HCN4: variants seen among roughly 807,000 people sequenced by gnomAD.
HCN4 encodes the protein potassium/sodium hyperpolarization-activated cyclic nucleotide-gated channel 4.
In HCN4, 29 loss-of-function variants were observed where a neutral mutation model predicts 76.9. That is an observed-to-expected ratio of 0.38 (90% CI 0.28 to 0.51). The LOEUF (loss-of-function observed/expected upper bound fraction) is 0.51, where lower values mean the gene tolerates loss of function less well. Ranked by LOEUF, HCN4 falls within the 20% of genes least tolerant of loss-of-function variation. The pLI, the probability that HCN4 is intolerant of heterozygous loss-of-function variation, is 0.90. For missense variants in HCN4, 1,416 were observed against 1,715.2 expected, an observed-to-expected ratio of 0.83 and a Z score of 3.08; for synonymous variants, 772 against 762.5, an observed-to-expected ratio of 1.01 and a Z score of -0.21.
chr15:73,348,505 T>G (rs143445372), intron 1 of HCN4, among the ~76,000 whole-genome samples: 1 of 152,244 alleles, frequency 6.6e-6, no homozygotes, highest in Non-Finnish European at 1.5e-5. Context: ...TTTTTACACA[T>G]GCATACTTTC....
chr15:73,353,043 TGGATGGAC>T (rs904640658), intron 1 of HCN4, among the ~76,000 whole-genome samples: 6 of 151,832 alleles, frequency 4.0e-5, no homozygotes, highest in African/African-American at 1.5e-4. Flanking sequence ...GATGGATGGA[TGGATGGAC>T]GGACGGACGG....
intron 2 of HCN4, among the ~76,000 whole-genome samples, chr15:73,337,407 G>A (rs977645311): frequency 6.6e-5 from 10 of 152,204 alleles, no homozygotes; most frequent in Middle Eastern, 3.2e-3. Context: ...GGTACCATAT[G>A]GGAGCTCAAG....
chr15:73,339,424 C>T (rs2042985847), intron 2 of HCN4, among the ~76,000 whole-genome samples: 1 of 152,202 alleles, frequency 6.6e-6, no homozygotes, highest in Non-Finnish European at 1.5e-5. Context: ...TAGCTTCTTG[C>T]AGTGCCAGGC....
intron 1 of HCN4, among the ~76,000 whole-genome samples, chr15:73,353,380 T>C (rs1366185987): frequency 2.0e-5 from 3 of 152,302 alleles, no homozygotes; most frequent in Non-Finnish European, 4.4e-5. Flanking sequence ...GTCATTGCCG[T>C]GCCCGGGAGG....
Position 73,350,301 on chromosome 15 carries a change from C to A in HCN4, c.786-6493G>T, listed in dbSNP as rs552612416. Among the ~76,000 whole-genome samples, 3 of 152,278 alleles carry A rather than the reference C, an allele frequency of 2.0e-5. No individual in the cohort carries two copies. The East Asian group carries it at 5.8e-4, about 29-fold the overall frequency. On this transcript the variant is annotated intron_variant, in intron 1 of 7. Coordinates refer to ENST00000261917, the MANE Select transcript of HCN4 (RefSeq NM_005477.3). ...CTCCTCCTGGCACCGTCATGAAATC[C>A]CAGCCCCAGGCAAGGACCACCATCA...
chr15:73,322,479 G>A lies in HCN4; in HGVS notation c.*2C>T. On this transcript the variant is annotated 3_prime_UTR_variant, in exon 8 of 8. Coordinates refer to ENST00000261917, the MANE Select transcript of HCN4 (RefSeq NM_005477.3). ...GAAAGAAGAGGGAAGGAAGGGCCCAGCTCATAGATTGGATGGCAGTTTGGA... is the reference window on the plus strand; with the variant it reads ...GAAAGAAGAGGGAAGGAAGGGCCCAACTCATAGATTGGATGGCAGTTTGGA... 1 of 1,584,404 alleles carries A rather than the reference G, an allele frequency of 6.3e-7. No individual in the cohort carries two copies.
At chr15:73,351,719 C>T (rs1053343367) in intron 1 of HCN4, among the ~76,000 whole-genome samples, 5 of 152,184 alleles carry the variant, frequency 3.3e-5, no homozygotes, top group African/African-American at 1.2e-4. Flanking sequence ...TTTGCTAAGC[C>T]CCAAATCCTT....
At chr15:73,356,756 T>G (rs1051698242) in intron 1 of HCN4, among the ~76,000 whole-genome samples, 2 of 151,200 alleles carry the variant, frequency 1.3e-5, no homozygotes, top group African/African-American at 4.9e-5. Flanking sequence ...GGAAGATGAG[T>G]GGGGCCATGT....
chr15:73,346,936 C>G (rs1334000623), intron 1 of HCN4, among the ~76,000 whole-genome samples: 1 of 152,150 alleles, frequency 6.6e-6, no homozygotes, highest in Non-Finnish European at 1.5e-5. Context: ...GCACACCTGC[C>G]AGCCCCGTTC....
Position 73,347,849 on chromosome 15 carries a change from C to T in HCN4, c.786-4041G>A, listed in dbSNP as rs184563651. ...AGAGGATCCTCCTCCAGCCCAGTGC[C>T]CTTTAAGTTAACAGGAGTCCTGGCC... is the stretch of plus-strand genomic sequence containing the variant. On this transcript the variant is annotated intron_variant, in intron 1 of 7. Coordinates refer to ENST00000261917, the MANE Select transcript of HCN4 (RefSeq NM_005477.3). 5.3e-3 allele frequency among the ~76,000 whole-genome samples: 804 copies of T among 152,282 alleles called. 5 individuals are homozygous for T. Among genetic ancestry groups the T allele is most frequent in the Middle Eastern group, 0.037 (11 of 294 alleles).
In HCN4 at chr15:73,343,381, T is replaced by C. The variant is rs2043015976; in HGVS notation, c.1209+4A>G. 1.9e-6 allele frequency: 3 copies of C among 1,613,918 alleles called. No homozygotes were observed. The highest frequency in any genetic ancestry group is 2.2e-5 in the East Asian group (1 of 44,872). On this transcript the variant is annotated splice_donor_region_variant and intron_variant, in intron 2 of 7. Coordinates refer to ENST00000261917, the MANE Select transcript of HCN4 (RefSeq NM_005477.3). The surrounding 1 kb of genome is among the most constrained non-coding windows in gnomAD (Gnocchi z 5.7). ...CCCCCAAGAGGTTTGCACTGACCAC[T>C]TACCTCTTCCCACTGGTGAATATAT...
In HCN4 at chr15:73,343,730, C is replaced by A; in HGVS notation, c.864G>T (p.Lys288Asn). The A allele has an allele frequency of 6.2e-7, 1 of 1,614,144 alleles. No homozygotes were observed. The highest frequency in any genetic ancestry group is 8.5e-7 in the Non-Finnish European group (1 of 1,180,018). The change falls in exon 2 of 8, where the codon AAG becomes AAT. Residue 288 changes from lysine (K) to asparagine (N), a missense_variant. Transcript: ENST00000261917. This position sits in a 1 kb window ranked among gnomAD's most constrained non-coding sequence, Gnocchi z 5.7. ...IIIPVGITFF[K>N]DENTTPWIVF... ...CAATCCAGGGTGTGGTGTTCTCATC[C>A]TTGAAGAAGGTGATGCCCACAGGAA... is the stretch of plus-strand genomic sequence containing the variant.
At position 73,322,372 on chromosome 15, in the gene HCN4, T is replaced by C; in HGVS notation, c.*109A>G. The C allele has an allele frequency of 2.1e-6, 2 of 967,350 alleles. No homozygotes were observed. The highest frequency in any genetic ancestry group is 2.8e-5 in the South Asian group (2 of 71,188). The allele number at this position is 967,350 out of a possible 1,614,324, so 59.9% of individuals were successfully genotyped here. On this transcript the variant is annotated 3_prime_UTR_variant, in exon 8 of 8. Coordinates refer to ENST00000261917, the MANE Select transcript of HCN4 (RefSeq NM_005477.3). ...TCTTTTGTTTTTCTGGTGTGTGTGG[T>C]TTTTTAAATAATTATTACTGTTATT...
intron 1 of HCN4, among the ~76,000 whole-genome samples, chr15:73,362,721 G>A (rs1444039314): frequency 6.6e-6 from 1 of 152,192 alleles, no homozygotes; most frequent in Non-Finnish European, 1.5e-5. Context: ...CCCTATGTGA[G>A]GCAGGCAGCT....
At chr15:73,363,074 G>A (rs754703981) in intron 1 of HCN4, among the ~76,000 whole-genome samples, 6 of 152,204 alleles carry the variant, frequency 3.9e-5, no homozygotes, top group Admixed American at 1.3e-4. Flanking sequence ...GCTCACCTTG[G>A]AATTCCCCTC....
In HCN4 at chr15:73,368,161, G is replaced by A. The variant is rs2043138879; in HGVS notation, c.110C>T (p.Ala37Val). ...GCGGCTGGGGTCTTGGCGGCCCCCGGCCCCCTCCTCCTCGGCGTCCTCTTC... is the reference window on the plus strand; with the variant it reads ...GCGGCTGGGGTCTTGGCGGCCCCCGACCCCCTCCTCCTCGGCGTCCTCTTC... ...DEEEDAEEEG[A>V]GGRQDPSRRS... Residue 37 changes from alanine (A) to valine (V), a missense_variant, in exon 1 of 8, where the codon GCC (alanine) becomes GTC (valine). Around this residue, in one of 6 missense-constraint regions of HCN4, gnomAD observed 355 missense variants for 347.8 expected, o/e 1.02. Coordinates refer to ENST00000261917, the MANE Select transcript of HCN4 (RefSeq NM_005477.3). This position sits in a 1 kb window ranked among gnomAD's most constrained non-coding sequence, Gnocchi z 6.9. 1.3e-6 allele frequency: 2 copies of A among 1,527,756 alleles called. No individual in the cohort carries two copies. The highest frequency in any genetic ancestry group is 1.8e-6 in the Non-Finnish European group (2 of 1,138,992). The allele number at this position is 1,527,756 out of a possible 1,614,324, so 94.6% of individuals were successfully genotyped here.
intron 2 of HCN4, among the ~76,000 whole-genome samples, chr15:73,338,537 T>C (rs1168241368): frequency 1.3e-5 from 2 of 152,200 alleles, no homozygotes; most frequent in East Asian, 1.9e-4. Context: ...GGTGAGATCA[T>C]ATCCACCACT....
intron 1 of HCN4, among the ~76,000 whole-genome samples, chr15:73,348,092 A>G (rs189546172): frequency 2.6e-5 from 4 of 152,324 alleles, no homozygotes; most frequent in East Asian, 3.9e-4. Flanking sequence ...CATTACACCG[A>G]TATCTGGAAA....
chr15:73,324,636 CAT>C (rs2042887648), intron 6 of HCN4, among the ~76,000 whole-genome samples: 5 of 152,302 alleles, frequency 3.3e-5, no homozygotes, highest in Middle Eastern at 3.4e-3. Flanking sequence ...CCTTCTGCCA[CAT>C]GAGGACACAG....
Sources: allele counts gnomAD v4.1 joint callset (sites outside exome capture counted in the v4.1 genomes callset), GRCh38; gene constraint gnomAD v4.1.1; regional missense constraint gnomAD v4.1.1; non-coding constraint Gnocchi (gnomAD v3.1); transcripts MANE v1.5; gene names NCBI Gene and HGNC (gene_info 2026-07-23, HGNC 2026-07-21).